Variants in NCOA1 observed in about 807,000 individuals in gnomAD.
The protein encoded by NCOA1 is nuclear receptor coactivator 1, also known as Hin-2 protein.
In NCOA1, 35 loss-of-function variants were observed where a neutral mutation model predicts 150.9. The ratio of observed to expected loss-of-function variants is 0.23; its 90% CI spans 0.18 to 0.31. NCOA1 has a LOEUF of 0.31. Among genes scored for constraint, NCOA1 ranks in the 10% least tolerant of loss-of-function variants. NCOA1 has a pLI of 1.00. For synonymous variants in NCOA1, 590 were observed against 630.0 expected (o/e 0.94, Z 0.95); for missense variants, 1,491 against 1,749.3 (o/e 0.85, Z 2.63).
intron 20 of NCOA1, among the ~76,000 whole-genome samples, chr2:24,752,398 TAGA>T (rs1664297685): frequency 6.6e-6 from 1 of 152,216 alleles, no homozygotes; most frequent in South Asian, 2.1e-4. Flanking sequence ...ACAGGCTAAG[TAGA>T]AGATTATTGG....
intron 3 of NCOA1, among the ~76,000 whole-genome samples, chr2:24,630,841 A>G (rs542809630): frequency 6.6e-6 from 1 of 152,320 alleles, no homozygotes; most frequent in African/African-American, 2.4e-5. Context: ...TTGCTATTCT[A>G]TTAGAAAAAG....
At chr2:24,637,074 A>C (rs1191351299) in intron 3 of NCOA1, among the ~76,000 whole-genome samples, 1 of 150,996 alleles carries the variant, frequency 6.6e-6, no homozygotes, top group East Asian at 1.9e-4. Context: ...GATTTTTTAA[A>C]ATCTTTTTTT....
At chr2:24,763,174 C>G (rs1226084065) in intron 22 of NCOA1, among the ~76,000 whole-genome samples, 3 of 152,166 alleles carry the variant, frequency 2.0e-5, no homozygotes, top group Non-Finnish European at 2.9e-5. Flanking sequence ...CTGCTGTATA[C>G]TTCACCTCCT....
intron 2 of NCOA1, among the ~76,000 whole-genome samples, chr2:24,581,672 C>T (rs1244593541): frequency 1.3e-5 from 2 of 152,100 alleles, no homozygotes; most frequent in African/African-American, 4.8e-5. Context: ...AAACAGAAAA[C>T]TACAGGCCAA....
intron 1 of NCOA1, among the ~76,000 whole-genome samples, chr2:24,556,434 A>C (rs1326746808): frequency 6.6e-6 from 1 of 152,234 alleles, no homozygotes; most frequent in Non-Finnish European, 1.5e-5. Context: ...TGCTATTGTG[A>C]ATAATGCTAC....
intron 14 of NCOA1, among the ~76,000 whole-genome samples, chr2:24,711,925 A>G (rs147195465): frequency 7.0e-4 from 107 of 152,334 alleles, no homozygotes; most frequent in Admixed American, 1.4e-3. Context: ...CGTTAGTTCT[A>G]TCCCTTTTCT....
chr2:24,689,410 G>A (rs1672558803), intron 8 of NCOA1, among the ~76,000 whole-genome samples: 1 of 151,142 alleles, frequency 6.6e-6, no homozygotes, highest in Non-Finnish European at 1.5e-5. Flanking sequence ...TAGTGTTAAC[G>A]AATCCTTTTT....
intron 17 of NCOA1, among the ~76,000 whole-genome samples, chr2:24,732,300 A>AAT (rs1558323220): frequency 6.6e-6 from 1 of 152,160 alleles, no homozygotes; most frequent in African/African-American, 2.4e-5. Flanking sequence ...AACCTAACAG[A>AAT]GTAAAGTATC....
intron 3 of NCOA1, among the ~76,000 whole-genome samples, chr2:24,584,791 AT>A (rs1267813060): frequency 6.6e-6 from 1 of 152,126 alleles, no homozygotes; most frequent in Non-Finnish European, 1.5e-5. Flanking sequence ...GAGTTTGAAG[AT>A]CTTCGAAAAC....
intron 1 of NCOA1, among the ~76,000 whole-genome samples, chr2:24,558,743 C>T (rs1238930254): frequency 6.6e-6 from 1 of 152,144 alleles, no homozygotes; most frequent in Non-Finnish European, 1.5e-5. Context: ...GAGAGTGGCT[C>T]AAATCTGTCT....
chr2:24,600,606 C>G (rs1003707933), intron 3 of NCOA1, among the ~76,000 whole-genome samples: 2 of 152,228 alleles, frequency 1.3e-5, no homozygotes, highest in Admixed American at 1.3e-4. Context: ...ATAGTCCTGA[C>G]AATGGCATTA....
Position 24,658,651 on chromosome 2 carries a change from TC to T in NCOA1, c.-17-8del. 8 of 1,601,112 alleles carry T rather than the reference TC, an allele frequency of 5.0e-6. No homozygotes were observed. Among genetic ancestry groups the T allele is most frequent in the Non-Finnish European group, 6.0e-6 (7 of 1,168,220 alleles). The stretch of plus-strand genomic sequence containing the variant: ...AGGGTAGATTTCTTACTGTTGTCCT[TC>T]CTGTTTAGGTGTGAAGTTTTTCAAC... On this transcript the variant is annotated splice_polypyrimidine_tract_variant and intron_variant, in intron 4 of 22. Transcript: ENST00000348332.
At chr2:24,587,618 A>G (rs569059095) in intron 3 of NCOA1, among the ~76,000 whole-genome samples, 1 of 152,330 alleles carries the variant, frequency 6.6e-6, no homozygotes, top group Admixed American at 6.5e-5. Context: ...TCAAGATACC[A>G]ATAAAGTTAG....
At chr2:24,525,551 C>CT (rs769430095) in intron 1 of NCOA1, among the ~76,000 whole-genome samples, 5,344 of 139,406 alleles carry the variant, frequency 0.038, 118 homozygotes, top group Non-Finnish European at 0.05. Flanking sequence ...TTAGAAAGTT[C>CT]TTTTTTTTTT....
chr2:24,729,516 G>A lies in NCOA1; in HGVS notation c.2902G>A (p.Val968Ile), dbSNP rs748020535. 25 of 1,613,710 alleles carry A rather than the reference G, an allele frequency of 1.5e-5. 1 individual carries two copies. In the South Asian group the frequency reaches 2.6e-4, roughly 17 times the overall value. The part of the protein sequence containing the change: ...DKLVQGGGLD[V>I]LSERFPPQQA... ...TTTCTAACAGGGGGGTGGATTAGATGTATTATCAGAGAGATTTCCACCACA... is the reference window on the plus strand; with the variant it reads ...TTTCTAACAGGGGGGTGGATTAGATATATTATCAGAGAGATTTCCACCACA... The change falls in exon 17 of 23, where the codon GTA (valine) becomes ATA (isoleucine). Residue 968 changes from valine (V) to isoleucine (I), a missense_variant. By Grantham distance (29) the Val-to-Ile change is conservative (BLOSUM62 3). Coordinates refer to ENST00000348332, the MANE Select transcript of NCOA1 (RefSeq NM_003743.5).
chr2:24,713,236 A>ATAAT lies in NCOA1; in HGVS notation c.2599+2143_2599+2146dup, dbSNP rs150157378. The stretch of plus-strand genomic sequence containing the variant: ...ACAAGAGCAAAACTCTATCTCAAAA[A>ATAAT]TAATTAATTAATTAATTAATTTTAA... On this transcript the variant is annotated intron_variant, in intron 14 of 22. Transcript: ENST00000348332. Among the ~76,000 whole-genome samples, 45 of 152,036 alleles carry ATAAT rather than the reference A, an allele frequency of 3.0e-4. No homozygotes were observed. In the South Asian group the frequency reaches 3.3e-3, roughly 11 times the overall value.
At chr2:24,614,787 T>G (rs1239302531) in intron 3 of NCOA1, among the ~76,000 whole-genome samples, 2 of 152,208 alleles carry the variant, frequency 1.3e-5, no homozygotes, top group African/African-American at 4.8e-5. Context: ...TCATGTAAAC[T>G]TAGATAATTA....
chr2:24,667,580 G>C (rs1288798899), intron 6 of NCOA1, among the ~76,000 whole-genome samples: 3 of 150,732 alleles, frequency 2.0e-5, no homozygotes, highest in African/African-American at 7.3e-5. Flanking sequence ...CATGAGGGAA[G>C]GTATTTCATC....
chr2:24,697,865 A>G (rs1672971545), intron 11 of NCOA1, 67 bp downstream of exon 11: 1 of 1,434,168 alleles, frequency 7.0e-7, no homozygotes, highest in Non-Finnish European at 9.5e-7. Flanking sequence ...TAGTTCGTAT[A>G]GAACTTATGG....
Sources: gnomAD v4.1 joint callset for allele counts (sites outside exome capture counted in the v4.1 genomes callset) on GRCh38, gnomAD v4.1.1 for gene constraint, MANE v1.5 for transcripts, NCBI Gene and HGNC (gene_info 2026-07-23, HGNC 2026-07-21) for gene names.